Variants in RNF121 observed in about 807,000 individuals in gnomAD.
The protein encoded by RNF121 is ring finger protein 121.
In RNF121, 21 loss-of-function variants were observed where a neutral mutation model predicts 46.5. That is an observed-to-expected ratio of 0.45 (90% CI 0.32 to 0.65). The LOEUF (loss-of-function observed/expected upper bound fraction) is 0.65. Among genes scored for constraint, RNF121 ranks in the 30% least tolerant of loss-of-function variants. The pLI is 0.04. For synonymous variants in RNF121, 139 were observed against 144.7 expected, an observed-to-expected ratio of 0.96 and a Z score of 0.28; for missense variants, 346 against 416.0, an observed-to-expected ratio of 0.83 and a Z score of 1.46.
intron 1 of RNF121, among the ~76,000 whole-genome samples, chr11:71,939,707 T>C (rs1268111379): frequency 6.6e-6 from 1 of 152,248 alleles, no homozygotes; most frequent in Non-Finnish European, 1.5e-5. Flanking sequence ...TGATACAACC[T>C]CATGTCTTCA....
chr11:71,939,758 G>A (rs1361202834), intron 1 of RNF121, among the ~76,000 whole-genome samples: 1 of 152,136 alleles, frequency 6.6e-6, no homozygotes, highest in African/African-American at 2.4e-5. Flanking sequence ...CTATGACATG[G>A]ATTCATTATT....
intron 1 of RNF121, among the ~76,000 whole-genome samples, chr11:71,953,330 A>C (rs1163909227): frequency 6.6e-6 from 1 of 152,158 alleles, no homozygotes; most frequent in South Asian, 2.1e-4. Flanking sequence ...ACCGTGCCCA[A>C]CCTCAGAATA....
At chr11:71,972,465 G>A (rs1954439793) in intron 3 of RNF121, among the ~76,000 whole-genome samples, 1 of 152,160 alleles carries the variant, frequency 6.6e-6, no homozygotes, top group Non-Finnish European at 1.5e-5. Context: ...CTTCACTAGT[G>A]CAGGTTGGTG....
intron 3 of RNF121, among the ~76,000 whole-genome samples, chr11:71,969,878 T>C (rs974157398): frequency 6.6e-6 from 1 of 152,120 alleles, no homozygotes; most frequent in African/African-American, 2.4e-5. Flanking sequence ...AAACCACATT[T>C]TAAAAAGCAA....
In RNF121 at chr11:71,960,796, A is replaced by G. The variant is rs759969079; in HGVS notation, c.148A>G (p.Met50Val). The G allele has an allele frequency of 1.9e-6, 3 of 1,614,172 alleles. No individual in the cohort carries two copies. The highest frequency in any genetic ancestry group is 4.5e-5 in the East Asian group (2 of 44,886). The change falls in exon 3 of 9, where the codon ATG becomes GTG. Residue 50 changes from methionine (M) to valine (V), a missense_variant. Transcript: ENST00000361756. ...TGCCAAGCACCGTGGCCATGAAGCT[A>G]TGCATGCTGAAATGGTCCTCATCCT... ...MHAKHRGHEA[M>V]HAEMVLILIA... is the part of the protein sequence containing the mutation.
chr11:71,985,513 CT>C (rs1194084428), intron 4 of RNF121, among the ~76,000 whole-genome samples: 5 of 152,146 alleles, frequency 3.3e-5, no homozygotes, highest in Non-Finnish European at 7.3e-5. Flanking sequence ...GAGAATAGAG[CT>C]GTGTGTGTTC....
At chr11:71,941,757 T>A (rs1479692973) in intron 1 of RNF121, among the ~76,000 whole-genome samples, 1 of 152,008 alleles carries the variant, frequency 6.6e-6, no homozygotes, top group African/African-American at 2.4e-5. Flanking sequence ...AAGTACAAAT[T>A]AATGGGAATG....
At chr11:71,942,889 TATG>T (rs958919791) in intron 1 of RNF121, among the ~76,000 whole-genome samples, 1 of 152,018 alleles carries the variant, frequency 6.6e-6, no homozygotes, top group African/African-American at 2.4e-5. Context: ...TTCTAGCAGA[TATG>T]ATGTCTGGCA....
intron 1 of RNF121, among the ~76,000 whole-genome samples, chr11:71,949,181 G>T (rs1418677085): frequency 1.3e-5 from 2 of 152,172 alleles, no homozygotes; most frequent in Non-Finnish European, 2.9e-5. Context: ...ACTTTGGCAG[G>T]CTGGGGTGAG....
At chr11:71,971,454 T>C (rs1954418503) in intron 3 of RNF121, among the ~76,000 whole-genome samples, 1 of 152,152 alleles carries the variant, frequency 6.6e-6, no homozygotes, top group African/African-American at 2.4e-5. Context: ...ATAAATTTGA[T>C]TTTATAAATT....
In RNF121 at chr11:71,981,350, G is replaced by A. The variant is rs116046221; in HGVS notation, c.244-1411G>A. Among the ~76,000 whole-genome samples, 634 of 152,204 alleles carry A rather than the reference G, an allele frequency of 4.2e-3. 2 individuals carry two copies. The highest frequency in any genetic ancestry group is 0.015 in the African/African-American group (605 of 41,530). On this transcript the variant is annotated intron_variant, in intron 3 of 8. Coordinates refer to ENST00000361756, the MANE Select transcript of RNF121 (RefSeq NM_018320.5). The stretch of plus-strand genomic sequence containing the variant: ...CAAGTGTGAGCCACCACGGCCAGCC[G>A]AGTAAATACTTTCTTAGTTTGCTAT...
rs1337079856 is a variant in RNF121 at position 71,996,178 on chromosome 11, C to A, written c.864-17C>A. On this transcript the variant is annotated splice_polypyrimidine_tract_variant and intron_variant, in intron 8 of 8. Coordinates refer to ENST00000361756, the MANE Select transcript of RNF121 (RefSeq NM_018320.5). ...GCAGCTCTTGCACAGAGTCTCTTTT[C>A]TTTAACACACTGACAGCTGGGAGAG... The A allele has an allele frequency of 1.2e-6, 2 of 1,613,702 alleles. No individual in the cohort carries two copies. Among genetic ancestry groups the A allele is most frequent in the Admixed American group, 3.3e-5 (2 of 60,010 alleles).
chr11:71,953,852 TC>T (rs1254444212), intron 1 of RNF121, among the ~76,000 whole-genome samples: 2 of 152,200 alleles, frequency 1.3e-5, no homozygotes, highest in Non-Finnish European at 2.9e-5. Context: ...CGTTAGTGAG[TC>T]CCTGAGTCTT....
At chr11:71,981,704 G>A (rs1954663693) in intron 3 of RNF121, among the ~76,000 whole-genome samples, 1 of 152,098 alleles carries the variant, frequency 6.6e-6, no homozygotes, top group Non-Finnish European at 1.5e-5. Flanking sequence ...AGTAAAACAG[G>A]CACTCTTTAA....
At chr11:71,991,221 A>G (rs1954857897) in intron 6 of RNF121, among the ~76,000 whole-genome samples, 2 of 99,948 alleles carry the variant, frequency 2.0e-5, no homozygotes, top group Non-Finnish European at 4.8e-5. Flanking sequence ...AATCTAAAAT[A>G]AAAGTTGAAA....
chr11:71,957,244 C>G lies in RNF121; in HGVS notation c.81C>G (p.Leu27=). The change falls in exon 2 of 9, where the codon CTC becomes CTG. Residue 27 remains leucine, a synonymous_variant. Transcript: ENST00000361756. ...TTCTACAGGTTGATATGTCAGATCT[C>G]TCTCCAGAAGAGCAATGGAGGTAAG... The part of the protein sequence containing the change: ...RELDEVDMSD[L]SPEEQWRVEH... 3 of 1,605,106 alleles carry G rather than the reference C, an allele frequency of 1.9e-6. No homozygotes were observed. Among genetic ancestry groups the G allele is most frequent in the Non-Finnish European group, 2.6e-6 (3 of 1,171,756 alleles).
At chr11:71,972,103 A>C (rs775865812) in intron 3 of RNF121, among the ~76,000 whole-genome samples, 3 of 152,214 alleles carry the variant, frequency 2.0e-5, no homozygotes, top group Non-Finnish European at 2.9e-5. Flanking sequence ...AAAGCATAGT[A>C]CTGAGTGGAA....
chr11:71,966,028 A>G (rs1007669658), intron 3 of RNF121, among the ~76,000 whole-genome samples: 2 of 151,954 alleles, frequency 1.3e-5, no homozygotes, highest in African/African-American at 4.8e-5. Context: ...TATTTGATAC[A>G]TTTTTTTTGA....
At chr11:71,962,077 C>T (rs1030559708) in intron 3 of RNF121, 1 of 150,690 alleles carries the variant, frequency 6.6e-6, no homozygotes, top group Admixed American at 6.7e-5. Context: ...ACGCCATTCT[C>T]CTGCCTCGGC....
Sources: allele counts gnomAD v4.1 joint callset (sites outside exome capture counted in the v4.1 genomes callset), GRCh38; gene constraint gnomAD v4.1.1; transcripts MANE v1.5; gene names NCBI Gene and HGNC (gene_info 2026-07-23, HGNC 2026-07-21).